HSPA12A: variants seen among roughly 807,000 people sequenced by gnomAD.
The protein encoded by HSPA12A is heat shock 70 kDa protein 12A.
In HSPA12A, 28 loss-of-function variants were observed where a neutral mutation model predicts 69.2. The ratio of observed to expected loss-of-function variants is 0.40; its 90% CI spans 0.30 to 0.55. HSPA12A has a LOEUF of 0.55. Ranked by LOEUF, HSPA12A falls within the 20% of genes least tolerant of loss-of-function variation. The pLI is 0.38. For missense variants in HSPA12A, 686 were observed against 900.7 expected (o/e 0.76, Z 3.05); for synonymous variants, 345 against 370.5 (o/e 0.93, Z 0.79).
rs527581275 is a variant in HSPA12A at position 116,758,758 on chromosome 10, C to G, written c.92-51473G>C. ...GACTCTAAGAACAGATAGCAACACA[C>G]AGAGCTTGCTCAAGTTTTTTGAAGA... On this transcript the variant is annotated intron_variant, in intron 2 of 12. Transcript: ENST00000635765. 2.6e-5 allele frequency among the ~76,000 whole-genome samples: 4 copies of G among 152,246 alleles called. No homozygotes were observed. The South Asian group carries it at 8.3e-4, about 32-fold the overall frequency.
At chr10:116,679,347 G>GA (rs1849333688) in intron 10 of HSPA12A, among the ~76,000 whole-genome samples, 156 bp downstream of exon 10, 2 of 152,120 alleles carry the variant, frequency 1.3e-5, no homozygotes, top group Admixed American at 1.3e-4. Flanking sequence ...TTTTCCATGT[G>GA]AAAAAAACTG....
chr10:116,789,855 G>A (rs1419565921), intron 2 of HSPA12A, among the ~76,000 whole-genome samples: 1 of 152,080 alleles, frequency 6.6e-6, no homozygotes, highest in East Asian at 1.9e-4. Flanking sequence ...CAGACTACGG[G>A]TCAGGTTCAC....
rs1431308767 is a variant in HSPA12A, at chr10:116,686,680, A to G, written c.664-2718T>C. Reference sequence around the variant, plus strand: ...GGGCCTGGGCCACGGCAGCAGGGACAGGGATGGGAAGGGAGAAAGGGTGGC... The same window carrying G: ...GGGCCTGGGCCACGGCAGCAGGGACGGGGATGGGAAGGGAGAAAGGGTGGC... On this transcript the variant is annotated intron_variant, in intron 6 of 11. Coordinates refer to ENST00000369209, the MANE Select transcript of HSPA12A (RefSeq NM_025015.3). This position sits in a 1 kb window ranked among gnomAD's most constrained non-coding sequence, Gnocchi z 4.1. 1.3e-5 allele frequency among the ~76,000 whole-genome samples: 2 copies of G among 152,162 alleles called. No homozygotes were observed. The highest frequency in any genetic ancestry group is 2.4e-5 in the African/African-American group (1 of 41,440).
At chr10:116,827,140 T>G (rs1192023998) in intron 2 of HSPA12A, among the ~76,000 whole-genome samples, 1 of 152,230 alleles carries the variant, frequency 6.6e-6, no homozygotes, top group Non-Finnish European at 1.5e-5. Flanking sequence ...AACCAGCTAG[T>G]TGGCTGTTGT....
chr10:116,820,683 C>G (rs978650225), intron 2 of HSPA12A, among the ~76,000 whole-genome samples: 1 of 149,656 alleles, frequency 6.7e-6, no homozygotes, highest in East Asian at 2.0e-4. Flanking sequence ...CCTCTCATTC[C>G]CATCTACACT....
At chr10:116,731,733 ACT>A (rs1851161169) in intron 1 of HSPA12A, among the ~76,000 whole-genome samples, 1 of 151,984 alleles carries the variant, frequency 6.6e-6, no homozygotes, top group Admixed American at 6.6e-5. Context: ...GGAGATAATT[ACT>A]CTCTGACCAC....
chr10:116,773,264 C>T (rs1204261212), intron 2 of HSPA12A, among the ~76,000 whole-genome samples: 12 of 152,064 alleles, frequency 7.9e-5, no homozygotes, highest in Admixed American at 2.6e-4. Context: ...GGATGAGGCC[C>T]TGCTAATGAG....
chr10:116,706,876 A>G (rs948830316), intron 2 of HSPA12A, among the ~76,000 whole-genome samples: 1 of 152,126 alleles, frequency 6.6e-6, no homozygotes, highest in African/African-American at 2.4e-5. Flanking sequence ...AGGACACCTC[A>G]CAGGCTCTGA....
chr10:116,773,803 T>C (rs1357596630), intron 2 of HSPA12A, among the ~76,000 whole-genome samples: 1 of 152,162 alleles, frequency 6.6e-6, no homozygotes, highest in Non-Finnish European at 1.5e-5. Flanking sequence ...TCACAGTGCC[T>C]GTGGTAATGA....
chr10:116,751,186 T>A, intron 2 of HSPA12A: 1 of 240,224 alleles, frequency 4.2e-6, no homozygotes, highest in African/African-American at 2.3e-5. Context: ...TCCCAAAATG[T>A]CCCTTGCTCA....
At chr10:116,753,178 T>A (rs1843749311) in intron 2 of HSPA12A, among the ~76,000 whole-genome samples, 1 of 152,340 alleles carries the variant, frequency 6.6e-6, no homozygotes, top group African/African-American at 2.4e-5. Flanking sequence ...CATGCTGGTA[T>A]GCTGGCACAA....
intron 3 of HSPA12A, among the ~76,000 whole-genome samples, chr10:116,702,671 A>G (rs1409265431): frequency 1.3e-5 from 2 of 152,218 alleles, no homozygotes; most frequent in Non-Finnish European, 2.9e-5. Context: ...ATTAACAGTG[A>G]CATTATCAGT....
chr10:116,772,376 C>T (rs1291953341), intron 2 of HSPA12A, among the ~76,000 whole-genome samples: 1 of 152,122 alleles, frequency 6.6e-6, no homozygotes, highest in Non-Finnish European at 1.5e-5. Flanking sequence ...CCCACTTGCT[C>T]CTGGGACCAG....
intron 2 of HSPA12A, among the ~76,000 whole-genome samples, chr10:116,834,095 C>T (rs531889786): frequency 8.7e-4 from 132 of 152,304 alleles, no homozygotes; most frequent in African/African-American, 3.0e-3. Flanking sequence ...GCTCAGATCT[C>T]GCCAGGCCCC....
intron 1 of HSPA12A, 47 bp from the exon 2 acceptor site, chr10:116,707,332 C>G: frequency 2.1e-6 from 3 of 1,448,054 alleles, no homozygotes; most frequent in Non-Finnish European, 2.9e-6. Flanking sequence ...CATGGACTGA[C>G]CCAGGGGGAA....
At chr10:116,693,998 G>A (rs554109725) in intron 5 of HSPA12A, among the ~76,000 whole-genome samples, 147 of 152,354 alleles carry the variant, frequency 9.6e-4, no homozygotes, top group Middle Eastern at 3.4e-3. Context: ...AGGGTATGAT[G>A]TGTGTTGGGA....
At chr10:116,799,978 G>A (rs12221423) in intron 2 of HSPA12A, among the ~76,000 whole-genome samples, 17 of 152,046 alleles carry the variant, frequency 1.1e-4, no homozygotes, top group Non-Finnish European at 2.2e-4. Context: ...AAGGATTTTC[G>A]TCGCCATGGT....
chr10:116,715,876 G>C (rs1026548651), intron 1 of HSPA12A, among the ~76,000 whole-genome samples: 1 of 152,228 alleles, frequency 6.6e-6, no homozygotes, highest in Non-Finnish European at 1.5e-5. Flanking sequence ...TTTTGGACCT[G>C]GGTCTCAGGG....
chr10:116,681,563 A>G (rs551304635), intron 8 of HSPA12A, among the ~76,000 whole-genome samples: 13 of 152,270 alleles, frequency 8.5e-5, no homozygotes, highest in Admixed American at 6.5e-4. Context: ...CCCTAAAATC[A>G]TCTGCGTTTC....
Sources: allele counts gnomAD v4.1 joint callset (sites outside exome capture counted in the v4.1 genomes callset), GRCh38; gene constraint gnomAD v4.1.1; non-coding constraint Gnocchi (gnomAD v3.1); transcripts MANE v1.5; gene names NCBI Gene and HGNC (gene_info 2026-07-23, HGNC 2026-07-21).